Variants in LIMS1 observed in about 807,000 individuals in gnomAD.
LIMS1 encodes the protein LIM and senescent cell antigen-like-containing domain protein 1.
LIMS1 carries 18 observed loss-of-function variants against 44.1 expected under a neutral mutation model. The observed-to-expected ratio is 0.41, with a 90% CI of 0.28 to 0.61. LIMS1 has a LOEUF of 0.61. Ranked by LOEUF, LIMS1 falls within the 20% of genes least tolerant of loss-of-function variation. The pLI, the probability that LIMS1 is intolerant of heterozygous loss-of-function variation, is 0.32. For synonymous variants in LIMS1, 93 were observed against 149.1 expected (o/e 0.62, Z 2.74); for missense variants, 201 against 422.0 (o/e 0.48, Z 4.59).
chr2:108,652,483 T>A (rs1291182281), intron 1 of LIMS1, among the ~76,000 whole-genome samples: 3 of 152,234 alleles, frequency 2.0e-5, no homozygotes, highest in African/African-American at 7.2e-5. Flanking sequence ...AATAACAGAA[T>A]CATATAAATG....
intron 1 of LIMS1, among the ~76,000 whole-genome samples, chr2:108,562,224 T>C (rs1331394776): frequency 6.6e-6 from 1 of 152,180 alleles, no homozygotes; most frequent in East Asian, 1.9e-4. Context: ...CACAACAATA[T>C]TGAAATTAGA....
intron 1 of LIMS1, among the ~76,000 whole-genome samples, chr2:108,599,419 A>T (rs1686883697): frequency 6.6e-6 from 1 of 151,950 alleles, no homozygotes; most frequent in South Asian, 2.1e-4. Flanking sequence ...TAAGTACCAC[A>T]TTTTTTCTTT....
At chr2:108,607,725 C>T (rs762726178) in intron 1 of LIMS1, among the ~76,000 whole-genome samples, 1 of 152,108 alleles carries the variant, frequency 6.6e-6, no homozygotes, top group Non-Finnish European at 1.5e-5. Flanking sequence ...GAGTGGGCTC[C>T]TAGCATAATG....
intron 1 of LIMS1, among the ~76,000 whole-genome samples, chr2:108,600,644 C>T (rs867431198): frequency 2.0e-5 from 3 of 152,154 alleles, no homozygotes; most frequent in Non-Finnish European, 2.9e-5. Flanking sequence ...CCTCAGTGTA[C>T]GTTCTTGGCA....
At chr2:108,570,749 G>A (rs1231094176) in intron 1 of LIMS1, among the ~76,000 whole-genome samples, 2 of 152,132 alleles carry the variant, frequency 1.3e-5, no homozygotes, top group African/African-American at 2.4e-5. Flanking sequence ...CTGGAGGTCC[G>A]CAGTGCTGAG....
At chr2:108,541,908 G>A (rs1345450428) in intron 1 of LIMS1, among the ~76,000 whole-genome samples, 1 of 152,084 alleles carries the variant, frequency 6.6e-6, no homozygotes, top group Non-Finnish European at 1.5e-5. Flanking sequence ...ATTCTTTTTT[G>A]GTAATTACCA....
At chr2:108,607,300 A>G in intron 1 of LIMS1, 1 of 1,528,126 alleles carries the variant, frequency 6.5e-7, no homozygotes, top group Non-Finnish European at 8.9e-7. Flanking sequence ...CTCCAAATGA[A>G]ACACAAATAG....
chr2:108,628,674 C>CA (rs1368350009), intron 1 of LIMS1, among the ~76,000 whole-genome samples: 20 of 152,190 alleles, frequency 1.3e-4, no homozygotes, highest in African/African-American at 4.6e-4. Context: ...CCATGTTGGC[C>CA]AGGCTGGTCT....
rs1479324962 is a variant in LIMS1 at position 108,579,607 on chromosome 2, T to C, written c.32+45013T>C. Among the ~76,000 whole-genome samples the C allele has an allele frequency of 3.9e-5, 6 of 152,336 alleles. No individual in the cohort carries two copies. In the East Asian group the frequency reaches 7.7e-4, roughly 20 times the overall value. Reference sequence around the variant, plus strand: ...AGTCTCTTGATTCCAGAGAAATACATTTATTTTTAAACTTGTGTTACACTT... The same window carrying C: ...AGTCTCTTGATTCCAGAGAAATACACTTATTTTTAAACTTGTGTTACACTT... On this transcript the variant is annotated intron_variant, in intron 1 of 9. Transcript: ENST00000544547.
chr2:108,589,267 A>G (rs1204102296), intron 1 of LIMS1, among the ~76,000 whole-genome samples: 2 of 152,060 alleles, frequency 1.3e-5, no homozygotes, highest in Non-Finnish European at 1.5e-5. Flanking sequence ...ATTTTGGTTC[A>G]TATGTACATT....
At chr2:108,545,659 T>C (rs541587313) in intron 1 of LIMS1, among the ~76,000 whole-genome samples, 5 of 152,228 alleles carry the variant, frequency 3.3e-5, no homozygotes, top group Non-Finnish European at 7.3e-5. Flanking sequence ...CTGTGTCTTT[T>C]GGAAATAGGT....
intron 1 of LIMS1, among the ~76,000 whole-genome samples, chr2:108,624,401 A>G (rs1688440941): frequency 6.6e-6 from 1 of 152,230 alleles, no homozygotes; most frequent in African/African-American, 2.4e-5. Context: ...GGATCTATAA[A>G]TAACTGATTA....
intron 1 of LIMS1, among the ~76,000 whole-genome samples, chr2:108,617,700 G>A (rs1052968528): frequency 2.6e-5 from 4 of 152,176 alleles, no homozygotes; most frequent in Admixed American, 6.5e-5. Flanking sequence ...GATGATCCTT[G>A]TAGTGAGTCT....
At chr2:108,585,791 G>A (rs558282844) in intron 1 of LIMS1, among the ~76,000 whole-genome samples, 12 of 152,196 alleles carry the variant, frequency 7.9e-5, no homozygotes, top group Admixed American at 7.8e-4. Flanking sequence ...TGTAAGATAA[G>A]GACTGAAAAA....
intron 1 of LIMS1, among the ~76,000 whole-genome samples, chr2:108,609,574 C>A (rs1687475598): frequency 6.6e-6 from 1 of 152,190 alleles, no homozygotes; most frequent in East Asian, 1.9e-4. Flanking sequence ...AGAATATTCT[C>A]TCCTCCCTTT....
In LIMS1 at chr2:108,552,585, G is replaced by GGGGTGTGTGT. The variant is rs896993452; in HGVS notation, c.32+17992_32+17993insGGTGTGTGTG. On this transcript the variant is annotated intron_variant, in intron 1 of 9. Coordinates refer to ENST00000544547, the Ensembl canonical transcript of LIMS1. The stretch of plus-strand genomic sequence containing the variant: ...TTGGGGTGTATATATATATATTTTG[G>GGGGTGTGTGT]GTGTGTGTGTGTGTGTGTGTGTGTG... 1.9e-3 allele frequency among the ~76,000 whole-genome samples: 190 copies of GGGGTGTGTGT among 101,906 alleles called. 1 individual carries two copies. The highest frequency in any genetic ancestry group is 5.4e-3 in the Admixed American group (43 of 7,956). The allele number at this position is 101,906 out of a possible 152,430, so 66.9% of individuals were successfully genotyped here.
At chr2:108,558,184 G>A (rs186403881) in intron 1 of LIMS1, among the ~76,000 whole-genome samples, 6 of 151,892 alleles carry the variant, frequency 4.0e-5, no homozygotes, top group African/African-American at 7.2e-5. Flanking sequence ...TTGTAGTATC[G>A]GTTATATCAG....
At chr2:108,557,239 G>A (rs1328616601) in intron 1 of LIMS1, among the ~76,000 whole-genome samples, 1 of 151,896 alleles carries the variant, frequency 6.6e-6, no homozygotes, top group African/African-American at 2.4e-5. Context: ...TACCGTGCCT[G>A]GCTAATTTTT....
intron 1 of LIMS1, among the ~76,000 whole-genome samples, chr2:108,570,247 A>G (rs1478765475): frequency 6.6e-6 from 1 of 152,136 alleles, no homozygotes; most frequent in African/African-American, 2.4e-5. Flanking sequence ...TCTGGTCAAC[A>G]TGGTGAAACC....
Sources: allele counts gnomAD v4.1 joint callset (sites outside exome capture counted in the v4.1 genomes callset), GRCh38; gene constraint gnomAD v4.1.1; transcripts MANE v1.5; gene names NCBI Gene and HGNC (gene_info 2026-07-23, HGNC 2026-07-21).